Variants in RFX6 observed in about 807,000 individuals in gnomAD.
The protein encoded by RFX6 is DNA-binding protein RFX6.
Under a neutral mutation model 110.8 loss-of-function variants are expected in RFX6, and 50 were observed. The ratio of observed to expected loss-of-function variants is 0.45; its 90% CI spans 0.36 to 0.57. The LOEUF (loss-of-function observed/expected upper bound fraction) is 0.57, where lower values mean the gene tolerates loss of function less well. RFX6 is among the 20% of genes least tolerant of loss of function. The probability of loss-of-function intolerance (pLI) is 0.00; values close to 1 mark genes in which losing one functional copy is unlikely to be tolerated. For synonymous variants in RFX6, 383 were observed against 411.2 expected, an observed-to-expected ratio of 0.93 and a Z score of 0.83; for missense variants, 990 against 1,127.0, an observed-to-expected ratio of 0.88 and a Z score of 1.74.
At chr6:116,924,932 C>T (rs1775677924) in intron 15 of RFX6, 141 bp downstream of exon 15, 5 of 675,888 alleles carry the variant, frequency 7.4e-6, no homozygotes, top group Admixed American at 6.8e-5. Flanking sequence ...TCTCACCATA[C>T]AGTCACACTA....
At chr6:116,895,927 A>G (rs1774936184) in intron 6 of RFX6, among the ~76,000 whole-genome samples, 1 of 152,210 alleles carries the variant, frequency 6.6e-6, no homozygotes, top group East Asian at 1.9e-4. Flanking sequence ...TGATGCAAGC[A>G]TATTTTAAGA....
intron 4 of RFX6, among the ~76,000 whole-genome samples, chr6:116,893,621 T>C (rs1774877032): frequency 6.6e-6 from 1 of 152,248 alleles, no homozygotes; most frequent in Admixed American, 6.5e-5. Context: ...TCTTGTCCAA[T>C]TGACTAAATT....
intron 10 of RFX6, 83 bp downstream of exon 10, chr6:116,918,169 A>C (rs1775509566): frequency 6.2e-6 from 6 of 973,802 alleles, no homozygotes; most frequent in Admixed American, 5.2e-5. Context: ...ATTAGGTAGT[A>C]ATTTATTCAT....
rs1020075603 is a variant in RFX6 at position 116,880,168 on chromosome 6, C to G, written c.381-376C>G. 8.6e-5 allele frequency among the ~76,000 whole-genome samples: 13 copies of G among 151,956 alleles called. No individual in the cohort carries two copies. In the South Asian group the frequency reaches 2.7e-3, roughly 31 times the overall value. On this transcript the variant is annotated intron_variant, in intron 2 of 18. Coordinates refer to ENST00000332958, the MANE Select transcript of RFX6 (RefSeq NM_173560.4). ...TTTGCCAACCTGAAGCTTGACAGCC[C>G]TTTAGTACTAAGAATGTTTTAAAAA...
At chr6:116,930,500 C>T (rs645745) in intron 18 of RFX6, among the ~76,000 whole-genome samples, 36,938 of 151,890 alleles carry the variant, frequency 0.24, 4,880 homozygotes, top group South Asian at 0.42. Flanking sequence ...TGAGCAAATG[C>T]ATTAAAAAGA....
rs1291899101 is a variant in RFX6 at position 116,910,944 on chromosome 6, A to G, written c.682A>G (p.Thr228Ala). The G allele has an allele frequency of 6.2e-7, 1 of 1,612,190 alleles. No individual in the cohort carries two copies. Among genetic ancestry groups the G allele is most frequent in the East Asian group, 2.2e-5 (1 of 44,818 alleles). The change falls in exon 7 of 19, where the codon ACT becomes GCT. Residue 228 changes from threonine (T) to alanine (A), a missense_variant. By Grantham distance (58) the Thr-to-Ala change is moderately conservative. Transcript: ENST00000332958. ...GSKLKNEGGFTRKYSLSSKTG... is the reference protein window; with the variant it reads ...GSKLKNEGGFARKYSLSSKTG... The stretch of plus-strand genomic sequence containing the variant: ...TTTTTCTAAATTATAGGGTGGCTTC[A>G]CTCGTAAATATTCGCTTAGCTCAAA...
Position 116,927,191 on chromosome 6 carries a change from C to T in RFX6, c.2050C>T (p.Pro684Ser). The change falls in exon 17 of 19, where the codon CCC becomes TCC. Residue 684 changes from proline to serine, a missense_variant. By Grantham distance (74) the Pro-to-Ser change is moderately conservative (BLOSUM62 -1). Around this residue, in one of 5 missense-constraint regions of RFX6, gnomAD observed 438 missense variants for 441.9 expected, o/e 0.99. Coordinates refer to ENST00000332958, the MANE Select transcript of RFX6 (RefSeq NM_173560.4). The stretch of plus-strand genomic sequence containing the variant: ...ATCACACTGCTCCACATACCCAGAG[C>T]CCATTTATCCCACTCTCCCTCAAGC... Reference protein sequence around the residue: ...APSHCSTYPEPIYPTLPQANH... With the variant: ...APSHCSTYPESIYPTLPQANH... 6.2e-7 allele frequency: 1 copy of T among 1,614,146 alleles called. No homozygotes were observed. The highest frequency in any genetic ancestry group is 8.5e-7 in the Non-Finnish European group (1 of 1,180,026).
chr6:116,913,437 C>G (rs1412601699), intron 7 of RFX6, among the ~76,000 whole-genome samples: 1 of 152,172 alleles, frequency 6.6e-6, no homozygotes, highest in Non-Finnish European at 1.5e-5. Context: ...TACTGAGAAG[C>G]TGGGGGCCTG....
intron 4 of RFX6, among the ~76,000 whole-genome samples, chr6:116,885,626 G>C (rs1774684215): frequency 6.6e-6 from 1 of 152,140 alleles, no homozygotes; most frequent in Non-Finnish European, 1.5e-5. Flanking sequence ...GCTAGTAAAA[G>C]TAGGGAAGCC....
chr6:116,901,201 G>A (rs1379338733), intron 6 of RFX6, among the ~76,000 whole-genome samples: 4 of 152,116 alleles, frequency 2.6e-5, no homozygotes, highest in Non-Finnish European at 4.4e-5. Flanking sequence ...TATATTAAAC[G>A]CATTTTTGAC....
intron 6 of RFX6, among the ~76,000 whole-genome samples, chr6:116,901,300 T>G (rs1035968225): frequency 6.6e-6 from 1 of 152,196 alleles, no homozygotes; most frequent in Non-Finnish European, 1.5e-5. Flanking sequence ...TTAATATCTA[T>G]TACTATGTTG....
At chr6:116,893,939 C>A in intron 4 of RFX6, 48 bp from the exon 5 acceptor site, 1 of 1,110,992 alleles carries the variant, frequency 9.0e-7, no homozygotes, top group Non-Finnish European at 1.4e-6. Flanking sequence ...TTTTCCCCTC[C>A]AAAAATCTCC....
At chr6:116,878,007 C>T (rs867802465) in intron 2 of RFX6, 55 bp downstream of exon 2, 4 of 1,523,624 alleles carry the variant, frequency 2.6e-6, no homozygotes, top group East Asian at 2.3e-5. Flanking sequence ...TAACAGCCAG[C>T]GTCTTCAGGA....
At chr6:116,880,713 T>A in intron 3 of RFX6, 46 bp downstream of exon 3, 1 of 1,600,154 alleles carries the variant, frequency 6.2e-7, no homozygotes, top group Non-Finnish European at 8.6e-7. Context: ...TAAAGTCATG[T>A]CAGGCAGATA....
chr6:116,895,390 T>C (rs1481512810), intron 6 of RFX6, among the ~76,000 whole-genome samples, 183 bp downstream of exon 6: 2 of 152,122 alleles, frequency 1.3e-5, no homozygotes, highest in Non-Finnish European at 2.9e-5. Context: ...TTTGCATGGA[T>C]CTACCAAACA....
At chr6:116,897,383 C>T (rs339345) in intron 6 of RFX6, among the ~76,000 whole-genome samples, 2,618 of 152,202 alleles carry the variant, frequency 0.017, 78 homozygotes, top group African/African-American at 0.059. Flanking sequence ...CAACCAAAAA[C>T]GTCTCTGACA....
chr6:116,923,351 T>G, intron 14 of RFX6, 127 bp downstream of exon 14: 1 of 714,056 alleles, frequency 1.4e-6, no homozygotes. Flanking sequence ...TATGGAGCTA[T>G]GAGAAAATGG....
intron 4 of RFX6, 91 bp from the exon 5 acceptor site, chr6:116,893,896 A>G (rs1774883022): frequency 2.5e-6 from 2 of 811,012 alleles, no homozygotes; most frequent in Non-Finnish European, 4.5e-6. Flanking sequence ...TGCAGTTCTT[A>G]TTCATGGTTA....
At chr6:116,916,457 ATTTAATAGTGCACG>A in intron 9 of RFX6, 143 bp downstream of exon 9, 1 of 674,818 alleles carries the variant, frequency 1.5e-6, no homozygotes, top group East Asian at 2.7e-5. Context: ...AAAGCAAGCA[ATTTAATAGTGCACG>A]TTTAATAGTG....
Sources: gnomAD v4.1 joint callset for allele counts (sites outside exome capture counted in the v4.1 genomes callset) on GRCh38, gnomAD v4.1.1 for gene constraint, gnomAD v4.1.1 regional missense constraint, MANE v1.5 for transcripts, NCBI Gene and HGNC (gene_info 2026-07-23, HGNC 2026-07-21) for gene names.